Variants in ARHGAP5 observed in about 807,000 individuals in gnomAD.
The protein encoded by ARHGAP5 is Rho GTPase activating protein 5.
A neutral mutation model predicts 116.6 loss-of-function variants in ARHGAP5; 23 were observed. The ratio of observed to expected loss-of-function variants is 0.20; its 90% confidence interval spans 0.14 to 0.28. The LOEUF (loss-of-function observed/expected upper bound fraction) is 0.28, where lower values mean the gene tolerates loss of function less well. Among genes scored for constraint, ARHGAP5 ranks in the 10% least tolerant of loss-of-function variants. The pLI is 1.00. For synonymous variants in ARHGAP5, 574 were observed against 602.0 expected (o/e 0.95, Z 0.68); for missense variants, 1,405 against 1,774.8 (o/e 0.79, Z 3.74).
intron 1 of ARHGAP5, among the ~76,000 whole-genome samples, chr14:32,078,550 T>C (rs114497884): frequency 0.012 from 1,815 of 152,308 alleles, 32 homozygotes; most frequent in African/African-American, 0.041. Flanking sequence ...AATGTTCAGG[T>C]GTAAAACAGC....
intron 1 of ARHGAP5, among the ~76,000 whole-genome samples, chr14:32,086,897 C>T (rs1402610346): frequency 6.6e-6 from 1 of 151,998 alleles, no homozygotes; most frequent in Non-Finnish European, 1.5e-5. Flanking sequence ...CTATTAAAAG[C>T]AGCACTATTG....
At chr14:32,087,979 A>T (rs533486580) in intron 1 of ARHGAP5, among the ~76,000 whole-genome samples, 1 of 152,020 alleles carries the variant, frequency 6.6e-6, no homozygotes, top group East Asian at 1.9e-4. Context: ...TTCATTTAAG[A>T]CCCTTTTGTT....
chr14:32,154,499 T>A (rs763600220), intron 6 of ARHGAP5, 122 bp from the exon 7 acceptor site: 54 of 933,258 alleles, frequency 5.8e-5, no homozygotes, highest in Non-Finnish European at 8.0e-5. Context: ...ATGCAAATTT[T>A]TAAACCCCAG....
chr14:32,093,769 C>A lies in ARHGAP5; in HGVS notation c.3100C>A (p.His1034Asn). ...AAACTGTCATGACCATGAACGCAAC[C>A]ATAAAGTGCCTCCACCTATTAAACC... ...TPNCHDHERN[H>N]KVPPPIKPKP... is the part of the protein sequence containing the mutation. The change falls in exon 2 of 7, where the codon CAT becomes AAT. Residue 1034 changes from histidine (H) to asparagine (N), a missense_variant. By Grantham distance (68) the His-to-Asn change is moderately conservative. Coordinates refer to ENST00000345122, the MANE Select transcript of ARHGAP5 (RefSeq NM_001030055.2). The A allele has an allele frequency of 1.2e-6, 2 of 1,614,054 alleles. No homozygotes were observed. The highest frequency in any genetic ancestry group is 1.7e-6 in the Non-Finnish European group (2 of 1,179,988).
chr14:32,090,901 A>G lies in ARHGAP5; in HGVS notation c.232A>G (p.Ile78Val). The change falls in exon 2 of 7, where the codon ATA (isoleucine) becomes GTA (valine). Residue 78 changes from isoleucine (I) to valine (V), a missense_variant. By Grantham distance (29) the Ile-to-Val change is conservative. This residue lies in a region of ARHGAP5 where 190 missense variants were observed against 314.9 expected (regional missense o/e 0.60). Coordinates refer to ENST00000345122, the MANE Select transcript of ARHGAP5 (RefSeq NM_001030055.2). The stretch of plus-strand genomic sequence containing the variant: ...TGATCACTTTTTGTACTGGGGTGAC[A>G]TAATACAAAATAGTGAAGATGGAGT... ...NNDHFLYWGD[I>V]IQNSEDGVEC... The G allele has an allele frequency of 6.2e-7, 1 of 1,613,658 alleles. No individual in the cohort carries two copies. The highest frequency in any genetic ancestry group is 8.5e-7 in the Non-Finnish European group (1 of 1,179,618).
At chr14:32,142,823 G>C (rs1881187603) in intron 3 of ARHGAP5, among the ~76,000 whole-genome samples, 1 of 152,182 alleles carries the variant, frequency 6.6e-6, no homozygotes, top group African/African-American at 2.4e-5. Context: ...AGATTACAGA[G>C]TTCTGCAAAC....
Position 32,090,930 on chromosome 14 carries a change from A to G in ARHGAP5, c.261A>G (p.Glu87=). The change falls in exon 2 of 7, where the codon GAA becomes GAG. Residue 87 remains glutamate, a synonymous_variant. Coordinates refer to ENST00000345122, the MANE Select transcript of ARHGAP5 (RefSeq NM_001030055.2). ...TACAAAATAGTGAAGATGGAGTAGA[A>G]TGCAAAATTCATGTCATTGAACAAA... The part of the protein sequence containing the change: ...DIIQNSEDGV[E]CKIHVIEQTE... 6.2e-7 allele frequency: 1 copy of G among 1,613,706 alleles called. No individual in the cohort carries two copies. The highest frequency in any genetic ancestry group is 1.1e-5 in the South Asian group (1 of 91,074).
intron 1 of ARHGAP5, 60 bp downstream of exon 1, chr14:32,077,495 TCCTGCGGCTAGCTGCCC>T (rs1416851536): frequency 1.5e-6 from 1 of 675,364 alleles, no homozygotes; most frequent in Non-Finnish European, 2.7e-6. Context: ...ACGGGGACCC[TCCTGCGGCTAGCTGCCC>T]CGCTCGGTCG....
intron 5 of ARHGAP5, among the ~76,000 whole-genome samples, chr14:32,150,472 T>A (rs920706454): frequency 6.6e-6 from 1 of 152,178 alleles, no homozygotes; most frequent in Non-Finnish European, 1.5e-5. Context: ...TAGAGGCTGG[T>A]AAGTTCAGGG....
chr14:32,135,680 C>T (rs1482665985), intron 3 of ARHGAP5, among the ~76,000 whole-genome samples: 2 of 152,348 alleles, frequency 1.3e-5, no homozygotes, highest in Middle Eastern at 6.8e-3. Flanking sequence ...ACCTTGGCCT[C>T]CCAAAGTGAT....
intron 2 of ARHGAP5, among the ~76,000 whole-genome samples, chr14:32,116,116 GTCTCTACTAAAAA>G (rs1566671419): frequency 6.9e-6 from 1 of 144,564 alleles, no homozygotes; most frequent in Non-Finnish European, 1.5e-5. Flanking sequence ...TGAAACCCCC[GTCTCTACTAAAAA>G]TACAAAAATT....
intron 4 of ARHGAP5, 127 bp downstream of exon 4, chr14:32,146,467 A>C: frequency 1.5e-6 from 1 of 667,824 alleles, no homozygotes; most frequent in Non-Finnish European, 2.6e-6. Flanking sequence ...AGAGGGTTTC[A>C]AAGTGAGATT....
intron 2 of ARHGAP5, among the ~76,000 whole-genome samples, chr14:32,103,902 A>ATATGACAAAAGAGATCT (rs1878898601): frequency 6.6e-6 from 1 of 152,216 alleles, no homozygotes; most frequent in Non-Finnish European, 1.5e-5. Context: ...AAATATAAGG[A>ATATGACAAAAGAGATCT]TATGACAAAA....
intron 3 of ARHGAP5, among the ~76,000 whole-genome samples, chr14:32,117,585 G>T (rs1395304677): frequency 6.6e-6 from 1 of 152,168 alleles, no homozygotes; most frequent in African/African-American, 2.4e-5. Context: ...TTAGTGAAGA[G>T]ATATAGTTAT....
At chr14:32,107,294 A>G (rs1004382216) in intron 2 of ARHGAP5, among the ~76,000 whole-genome samples, 3 of 152,172 alleles carry the variant, frequency 2.0e-5, no homozygotes, top group African/African-American at 7.2e-5. Flanking sequence ...TCATTATTTC[A>G]TATGAATCCT....
chr14:32,159,286 C>T lies in ARHGAP5; in HGVS notation c.*4338C>T, dbSNP rs1233767622. ...TCAAATAATTGTAGTTGAGAAACAA[C>T]TTGTTTATTCTCACAATTCAGATTT... On this transcript the variant is annotated 3_prime_UTR_variant, in exon 7 of 7. Transcript: ENST00000345122. 6.6e-6 allele frequency: 1 copy of T among 152,074 alleles called. No individual in the cohort carries two copies. The highest frequency in any genetic ancestry group is 2.4e-5 in the African/African-American group (1 of 41,442). 9.4% of individuals were successfully genotyped at this position (152,074 alleles called of 1,614,324 possible).
At chr14:32,098,033 T>G (rs756154491) in intron 2 of ARHGAP5, among the ~76,000 whole-genome samples, 19 of 152,222 alleles carry the variant, frequency 1.2e-4, no homozygotes, top group Non-Finnish European at 2.4e-4. Flanking sequence ...GTCACTGTTC[T>G]TCATACTGAG....
At chr14:32,111,267 A>G (rs1296504220) in intron 2 of ARHGAP5, among the ~76,000 whole-genome samples, 1 of 152,216 alleles carries the variant, frequency 6.6e-6, no homozygotes, top group Non-Finnish European at 1.5e-5. Flanking sequence ...TGTCTCAAAT[A>G]ACAGCAGCAA....
At chr14:32,140,117 T>TTCC (rs1881047920) in intron 3 of ARHGAP5, among the ~76,000 whole-genome samples, 1 of 109,268 alleles carries the variant, frequency 9.2e-6, no homozygotes, top group African/African-American at 3.4e-5. Flanking sequence ...TTTTTTTCCT[T>TTCC]TTTTTTTTTT....
Sources: gnomAD v4.1 joint callset for allele counts (sites outside exome capture counted in the v4.1 genomes callset) on GRCh38, gnomAD v4.1.1 for gene constraint, gnomAD v4.1.1 regional missense constraint, MANE v1.5 for transcripts, NCBI Gene and HGNC (gene_info 2026-07-23, HGNC 2026-07-21) for gene names.